Variants in C14orf180 observed in about 807,000 individuals in gnomAD.
C14orf180 encodes the protein nutritionally-regulated adipose and cardiac enriched protein homolog.
C14orf180 carries 13 observed loss-of-function variants against 13.9 expected under a neutral mutation model. The ratio of observed to expected loss-of-function variants is 0.94; its 90% CI spans 0.61 to 1.49. C14orf180 has a LOEUF of 1.49. C14orf180 is among the 40% of genes most tolerant of loss of function. C14orf180 has a pLI of 0.00. For synonymous variants in C14orf180, 113 were observed against 106.3 expected, an observed-to-expected ratio of 1.06 and a Z score of -0.39; for missense variants, 238 against 232.0, an observed-to-expected ratio of 1.03 and a Z score of -0.17.
At chr14:104,586,563 C>A in intron 2 of C14orf180, 22 bp downstream of exon 2, 1 of 1,448,972 alleles carries the variant, frequency 6.9e-7, no homozygotes, top group East Asian at 2.7e-5. Context: ...CGCTGGGACA[C>A]AGCTTCTGCA....
At chr14:104,588,139 G>A in intron 3 of C14orf180, 135 bp from the exon 4 acceptor site, 1 of 1,114,458 alleles carries the variant, frequency 9.0e-7, no homozygotes, top group South Asian at 1.3e-5. Context: ...GGAAGTGTCA[G>A]GACCGGCTGG....
In C14orf180 at chr14:104,589,848, G is replaced by A. The variant is rs963583695; in HGVS notation, c.*1065G>A. ...TTAAAACACACCGTGGCTTCCTTCA[G>A]TCTTGGTGTTTTTATAGAAATGAGA... On this transcript the variant is annotated 3_prime_UTR_variant, in exon 5 of 5. Transcript: ENST00000557649. The surrounding 1 kb of genome is among the most constrained non-coding windows in gnomAD (Gnocchi z 4.9). 2.6e-5 allele frequency: 4 copies of A among 152,198 alleles called. No homozygotes were observed. The highest frequency in any genetic ancestry group is 9.7e-5 in the African/African-American group (4 of 41,442). The allele number at this position is 152,198 out of a possible 1,614,324, so 9.4% of individuals were successfully genotyped here. A position where few individuals can be genotyped will look rare whatever the true frequency, so the allele number is the denominator to read the frequency against.
intron 1 of C14orf180, 119 bp downstream of exon 1, chr14:104,580,122 G>A (rs1484524174): frequency 6.6e-6 from 1 of 151,138 alleles, no homozygotes; most frequent in Non-Finnish European, 1.5e-5. Context: ...GGCAGCAGGT[G>A]TGGGCAGAGA....
chr14:104,587,718 C>A, intron 2 of C14orf180, 31 bp from the exon 3 acceptor site: 1 of 1,609,282 alleles, frequency 6.2e-7, no homozygotes, highest in Non-Finnish European at 8.5e-7. Flanking sequence ...CCGCCGGGGA[C>A]TCACCAGTCT....
chr14:104,584,053 T>A (rs147724708), intron 1 of C14orf180, among the ~76,000 whole-genome samples: 2 of 152,206 alleles, frequency 1.3e-5, no homozygotes, highest in Admixed American at 6.5e-5. Flanking sequence ...ACACACACAC[T>A]GTTTTCCCAC....
rs922960787 is a variant in C14orf180, at chr14:104,589,182, G to A, written c.*399G>A. The A allele has an allele frequency of 1.4e-4, 51 of 367,278 alleles. 1 individual carries two copies. Among genetic ancestry groups the A allele is most frequent in the African/African-American group, 7.3e-4 (35 of 47,700 alleles). The allele number at this position is 367,278 out of a possible 1,614,324, so 22.8% of individuals were successfully genotyped here. On this transcript the variant is annotated 3_prime_UTR_variant, in exon 5 of 5. Coordinates refer to ENST00000557649, the MANE Select transcript of C14orf180 (RefSeq NM_001008404.3). The surrounding 1 kb of genome is among the most constrained non-coding windows in gnomAD (Gnocchi z 4.9). ...TCTTGAGGAGGGGGACACACTGCCC[G>A]TGTTCAAGGGGCTGCTCGGAGGAGG... is the stretch of plus-strand genomic sequence containing the variant.
intron 1 of C14orf180, among the ~76,000 whole-genome samples, chr14:104,582,225 G>C (rs373078431): frequency 6.6e-6 from 1 of 152,146 alleles, no homozygotes. Context: ...CCTGGAGGAC[G>C]GGGCAGGAGT....
At chr14:104,581,837 G>A (rs1886447300) in intron 1 of C14orf180, among the ~76,000 whole-genome samples, 2 of 152,158 alleles carry the variant, frequency 1.3e-5, no homozygotes. Flanking sequence ...GCCCCAGCCT[G>A]CACTCGCTCA....
chr14:104,582,791 G>C (rs910152285), intron 1 of C14orf180, among the ~76,000 whole-genome samples: 11 of 152,194 alleles, frequency 7.2e-5, no homozygotes, highest in African/African-American at 2.4e-4. Flanking sequence ...AGCGGGCCTA[G>C]CGGGACACTT....
Position 104,589,662 on chromosome 14 carries a change from C to G in C14orf180, c.*879C>G, listed in dbSNP as rs1222032596. ...TACGTGGGGGGAGGGCTGAACAAAGCAGGGAGGCCCACGGTTAGACACCAG... is the reference window on the plus strand; with the variant it reads ...TACGTGGGGGGAGGGCTGAACAAAGGAGGGAGGCCCACGGTTAGACACCAG... On this transcript the variant is annotated 3_prime_UTR_variant, in exon 5 of 5. Coordinates refer to ENST00000557649, the MANE Select transcript of C14orf180 (RefSeq NM_001008404.3). The surrounding 1 kb of genome is among the most constrained non-coding windows in gnomAD (Gnocchi z 4.9). 1 of 152,648 alleles carries G rather than the reference C, an allele frequency of 6.6e-6. No individual in the cohort carries two copies. The highest frequency in any genetic ancestry group is 2.4e-5 in the African/African-American group (1 of 41,424). The allele number at this position is 152,648 out of a possible 1,614,324, so 9.5% of individuals were successfully genotyped here. A position where few individuals can be genotyped will look rare whatever the true frequency, so the allele number is the denominator to read the frequency against.
chr14:104,582,513 C>T (rs1886470030), intron 1 of C14orf180, among the ~76,000 whole-genome samples: 2 of 152,160 alleles, frequency 1.3e-5, no homozygotes, highest in South Asian at 4.1e-4. Flanking sequence ...ATGGCCCCAC[C>T]TCCCACCAGC....
At chr14:104,582,570 C>G (rs1313204044) in intron 1 of C14orf180, among the ~76,000 whole-genome samples, 1 of 152,184 alleles carries the variant, frequency 6.6e-6, no homozygotes, top group African/African-American at 2.4e-5. Context: ...GGCCCTGACT[C>G]CCGCCTCTGT....
At position 104,587,834 on chromosome 14, in the gene C14orf180, C is replaced by A; in HGVS notation, c.197C>A (p.Ser66Ter). ...HRPEAKPQRT[S>*]RRVWFREPPA... ...CCAGAGGCCAAGCCCCAGAGGACCT[C>A]GAGGCGCGTGTGGTTCCGAGAACCC... The change falls in exon 3 of 5, where the codon TCG (serine) becomes TAG (stop). Residue 66 changes from serine (S) to a stop codon, truncating the protein, a stop_gained. Transcript: ENST00000557649. LOFTEE classifies it high-confidence loss of function. 6.2e-7 allele frequency: 1 copy of A among 1,611,604 alleles called. No homozygotes were observed. The highest frequency in any genetic ancestry group is 8.5e-7 in the Non-Finnish European group (1 of 1,179,188).
chr14:104,586,347 CTCT>C (rs1271642101), intron 1 of C14orf180, 65 bp from the exon 2 acceptor site: 1 of 1,093,034 alleles, frequency 9.1e-7, no homozygotes, highest in Non-Finnish European at 1.2e-6. Flanking sequence ...TTTTCTCCTC[CTCT>C]TATTTTCATT....
intron 2 of C14orf180, 61 bp downstream of exon 2, chr14:104,586,602 G>A: frequency 3.6e-6 from 4 of 1,119,342 alleles, no homozygotes; most frequent in South Asian, 3.3e-5. Flanking sequence ...GGCTGGAGGG[G>A]GCAGGGAGCA....
At chr14:104,588,472 T>C (rs1886714983) in intron 4 of C14orf180, 106 bp from the exon 5 acceptor site, 1 of 1,457,360 alleles carries the variant, frequency 6.9e-7, no homozygotes, top group Non-Finnish European at 9.3e-7. Flanking sequence ...GGAGGGGCCA[T>C]GGGCATGGAC....
At chr14:104,584,273 G>A (rs901755684) in intron 1 of C14orf180, among the ~76,000 whole-genome samples, 14 of 152,188 alleles carry the variant, frequency 9.2e-5, no homozygotes, top group African/African-American at 2.9e-4. Context: ...CCCTGGGCAC[G>A]CCAGCCAGCC....
chr14:104,587,935 C>T (rs1051647396), intron 3 of C14orf180, 57 bp downstream of exon 3: 44 of 1,539,438 alleles, frequency 2.9e-5, no homozygotes, highest in Middle Eastern at 1.8e-4. Context: ...CAGAGGGAGG[C>T]GGGGACACCG....
At chr14:104,582,312 G>A (rs906278220) in intron 1 of C14orf180, among the ~76,000 whole-genome samples, 3 of 152,172 alleles carry the variant, frequency 2.0e-5, no homozygotes, top group East Asian at 1.9e-4. Flanking sequence ...CCACTGGCCC[G>A]CCCCCACGCC....
Sources: allele counts gnomAD v4.1 joint callset (sites outside exome capture counted in the v4.1 genomes callset), GRCh38; gene constraint gnomAD v4.1.1; non-coding constraint Gnocchi (gnomAD v3.1); transcripts MANE v1.5; gene names NCBI Gene and HGNC (gene_info 2026-07-23, HGNC 2026-07-21).